Variants in COL25A1 observed in about 807,000 individuals in gnomAD.
COL25A1 encodes collagen type XXV alpha 1 chain.
In COL25A1, 103 loss-of-function variants were observed where a neutral mutation model predicts 128.4. The ratio of observed to expected loss-of-function variants is 0.80; its 90% CI spans 0.68 to 0.94. The LOEUF (loss-of-function observed/expected upper bound fraction) is 0.94, where lower values mean the gene tolerates loss of function less well. COL25A1 is among the 40% of genes least tolerant of loss of function. The probability of loss-of-function intolerance (pLI) is 0.00; values close to 1 mark genes in which losing one functional copy is unlikely to be tolerated. For synonymous variants in COL25A1, 279 were observed against 277.2 expected, an observed-to-expected ratio of 1.01 and a Z score of -0.06; for missense variants, 745 against 840.0, an observed-to-expected ratio of 0.89 and a Z score of 1.40.
intron 11 of COL25A1, among the ~76,000 whole-genome samples, chr4:108,934,017 A>G (rs1162934680): frequency 6.6e-6 from 1 of 152,188 alleles, no homozygotes; most frequent in East Asian, 1.9e-4. Flanking sequence ...TCATGCTACT[A>G]TAAAGACACA....
At chr4:109,051,939 T>C (rs1161730312) in intron 3 of COL25A1, among the ~76,000 whole-genome samples, 3 of 152,078 alleles carry the variant, frequency 2.0e-5, no homozygotes. Flanking sequence ...AAAAAAAATG[T>C]TAGGAAATAC....
At chr4:109,160,204 A>G (rs1156233504) in intron 3 of COL25A1, among the ~76,000 whole-genome samples, 1 of 152,206 alleles carries the variant, frequency 6.6e-6, no homozygotes, top group Non-Finnish European at 1.5e-5. Flanking sequence ...ATAGAAATTT[A>G]TATTGCTTTT....
intron 3 of COL25A1, among the ~76,000 whole-genome samples, chr4:109,164,593 G>A (rs1052415705): frequency 6.6e-6 from 1 of 152,134 alleles, no homozygotes; most frequent in Non-Finnish European, 1.5e-5. Flanking sequence ...TTCAAACTAG[G>A]TTAGCAACAT....
At position 108,940,522 on chromosome 4, in the gene COL25A1, T is replaced by A; in HGVS notation, c.672+17A>T. ...AAGCAAAACGTGTGAGAATAAGTGA[T>A]CCAAAAAGCGACTCACGGGTACTCC... is the stretch of plus-strand genomic sequence containing the variant. On this transcript the variant is annotated intron_variant, in intron 10 of 37. Transcript: ENST00000399132. 1 of 1,595,054 alleles carries A rather than the reference T, an allele frequency of 6.3e-7. No individual in the cohort carries two copies.
At chr4:108,964,221 T>C (rs987714303) in intron 8 of COL25A1, among the ~76,000 whole-genome samples, 1 of 151,658 alleles carries the variant, frequency 6.6e-6, no homozygotes, top group African/African-American at 2.4e-5. Context: ...CCAATCGTTA[T>C]TTAAACTGGT....
At position 109,162,892 on chromosome 4, in the gene COL25A1, A is replaced by G. The variant is rs1229390664; in HGVS notation, c.368-112713T>C. ...ATTTTAACTAATGTGATTTTTACCT[A>G]ATTTTTTAAAAAGGGAGCCAGTGGA... On this transcript the variant is annotated intron_variant, in intron 3 of 37. Transcript: ENST00000399132. Among the ~76,000 whole-genome samples, 4 of 152,012 alleles carry G rather than the reference A, an allele frequency of 2.6e-5. No individual in the cohort carries two copies. In the East Asian group the frequency reaches 7.7e-4, roughly 29 times the overall value.
intron 6 of COL25A1, among the ~76,000 whole-genome samples, chr4:109,006,597 T>C (rs1304633471): frequency 6.6e-6 from 1 of 151,880 alleles, no homozygotes; most frequent in African/African-American, 2.4e-5. Context: ...ACCTTATAGA[T>C]CTATGTTAAA....
intron 24 of COL25A1, among the ~76,000 whole-genome samples, chr4:108,855,295 A>G (rs1303746942): frequency 6.6e-6 from 1 of 151,376 alleles, no homozygotes; most frequent in Non-Finnish European, 1.5e-5. Context: ...ACACCACCAG[A>G]TCTGTGTAAC....
At chr4:108,832,015 T>C (rs917786986) in intron 32 of COL25A1, among the ~76,000 whole-genome samples, 1 of 151,800 alleles carries the variant, frequency 6.6e-6, no homozygotes, top group East Asian at 1.9e-4. Flanking sequence ...ACAGTAGCTT[T>C]ATATAAAAGA....
intron 32 of COL25A1, among the ~76,000 whole-genome samples, chr4:108,831,687 G>GGAGAGAGAGAGAGAGAGAGAGAGA (rs3062875): frequency 6.9e-6 from 1 of 144,194 alleles, no homozygotes; most frequent in African/African-American, 2.6e-5. Context: ...AGAGAGAGGG[G>GGAGAGAGAGAGAGAGAGAGAGAGA]GAGAGAGAGA....
intron 3 of COL25A1, among the ~76,000 whole-genome samples, chr4:109,249,713 T>C (rs1233515211): frequency 2.6e-5 from 4 of 152,210 alleles, no homozygotes; most frequent in African/African-American, 9.6e-5. Flanking sequence ...TAGGTATTTA[T>C]AAAACATCAA....
intron 3 of COL25A1, among the ~76,000 whole-genome samples, chr4:109,078,230 GT>G (rs1338069855): frequency 1.3e-5 from 2 of 152,080 alleles, no homozygotes; most frequent in African/African-American, 2.4e-5. Context: ...GAAGGTTTTT[GT>G]TTTGCTTTGC....
chr4:108,919,898 G>C (rs1745301719), intron 12 of COL25A1, among the ~76,000 whole-genome samples: 1 of 152,080 alleles, frequency 6.6e-6, no homozygotes, highest in South Asian at 2.1e-4. Flanking sequence ...GAGTAGCTGG[G>C]ACTACAGGCG....
chr4:109,067,570 TA>T (rs1480560886), intron 3 of COL25A1, among the ~76,000 whole-genome samples: 4 of 152,234 alleles, frequency 2.6e-5, no homozygotes, highest in African/African-American at 9.6e-5. Context: ...GGGGAACATT[TA>T]GGATATCAGG....
chr4:109,063,863 G>T (rs1249386102), intron 3 of COL25A1, among the ~76,000 whole-genome samples: 1 of 152,206 alleles, frequency 6.6e-6, no homozygotes, highest in Non-Finnish European at 1.5e-5. Context: ...AATATAGATA[G>T]AGTAGTAAGA....
At chr4:109,089,917 T>C (rs1278902357) in intron 3 of COL25A1, among the ~76,000 whole-genome samples, 2 of 152,040 alleles carry the variant, frequency 1.3e-5, no homozygotes, top group Non-Finnish European at 2.9e-5. Flanking sequence ...ATTTTAGAAG[T>C]ATAATTGCTA....
intron 2 of COL25A1, among the ~76,000 whole-genome samples, chr4:109,300,931 A>T (rs1023067418): frequency 2.0e-5 from 3 of 152,224 alleles, no homozygotes; most frequent in Non-Finnish European, 4.4e-5. Context: ...TATGCAGTCA[A>T]TGTAAAAACC....
At chr4:108,851,803 T>A (rs1349511490) in intron 26 of COL25A1, among the ~76,000 whole-genome samples, 1 of 152,184 alleles carries the variant, frequency 6.6e-6, no homozygotes, top group South Asian at 2.1e-4. Context: ...GATTTGTGAA[T>A]GCACCATACT....
intron 3 of COL25A1, among the ~76,000 whole-genome samples, chr4:109,230,941 C>T (rs1430495879): frequency 3.9e-4 from 59 of 152,080 alleles, no homozygotes; most frequent in Admixed American, 3.8e-3. Context: ...GAGATCAAGA[C>T]CATGCTGGCC....
Sources: allele counts gnomAD v4.1 joint callset (sites outside exome capture counted in the v4.1 genomes callset), GRCh38; gene constraint gnomAD v4.1.1; transcripts MANE v1.5; gene names NCBI Gene and HGNC (gene_info 2026-07-23, HGNC 2026-07-21).